The following TAFA2 variants were observed in gnomAD, a reference collection of about 807,000 sequenced individuals.
TAFA2 encodes the protein TAFA chemokine like family member 2.
Under a neutral mutation model 18.8 loss-of-function variants are expected in TAFA2, and 7 were observed. The ratio of observed to expected loss-of-function variants is 0.37; its 90% CI spans 0.21 to 0.70. The LOEUF (loss-of-function observed/expected upper bound fraction) is 0.70, where lower values mean the gene tolerates loss of function less well. TAFA2 is among the 30% of genes least tolerant of loss of function. The pLI is 0.53. For missense variants in TAFA2, 122 were observed against 158.1 expected, an observed-to-expected ratio of 0.77 and a Z score of 1.23; for synonymous variants, 60 against 54.2, an observed-to-expected ratio of 1.11 and a Z score of -0.47.
Position 61,816,317 on chromosome 12 carries a change from C to T in TAFA2, c.106+51003G>A, listed in dbSNP as rs535223042. ...GTGCTAGTTTGCTAAGGATAATAGA[C>T]TCCAGCTCCATCCATGTTCCTGCAA... On this transcript the variant is annotated intron_variant, in intron 2 of 4. Transcript: ENST00000416284. 5.3e-5 allele frequency among the ~76,000 whole-genome samples: 8 copies of T among 151,500 alleles called. No individual in the cohort carries two copies. In the East Asian group the frequency reaches 1.5e-3, roughly 29 times the overall value.
At chr12:61,959,782 T>C (rs1170203422) in intron 1 of TAFA2, among the ~76,000 whole-genome samples, 1 of 152,152 alleles carries the variant, frequency 6.6e-6, no homozygotes, top group Non-Finnish European at 1.5e-5. Context: ...CAGACTGAAC[T>C]AGACATATCT....
chr12:62,134,835 T>G (rs143094969), intron 1 of TAFA2, among the ~76,000 whole-genome samples: 10 of 152,036 alleles, frequency 6.6e-5, no homozygotes, highest in Non-Finnish European at 1.3e-4. Context: ...TATATAGGCC[T>G]TATTTTAATT....
At chr12:61,877,568 G>T (rs1335275367) in intron 1 of TAFA2, among the ~76,000 whole-genome samples, 1 of 152,150 alleles carries the variant, frequency 6.6e-6, no homozygotes, top group East Asian at 1.9e-4. Context: ...CCTACATTAT[G>T]GGGATATGAA....
chr12:61,955,721 G>T (rs994656558), intron 1 of TAFA2, among the ~76,000 whole-genome samples: 1 of 138,078 alleles, frequency 7.2e-6, no homozygotes, highest in South Asian at 2.3e-4. Flanking sequence ...ACAAGGAGGG[G>T]TATGTTTTTT....
At chr12:61,794,609 T>A (rs1871116097) in intron 2 of TAFA2, among the ~76,000 whole-genome samples, 1 of 151,986 alleles carries the variant, frequency 6.6e-6, no homozygotes, top group Admixed American at 6.6e-5. Context: ...TATCTTTAGG[T>A]CCATTGTAAT....
intron 1 of TAFA2, among the ~76,000 whole-genome samples, chr12:62,151,529 T>C (rs2062328282): frequency 6.6e-6 from 1 of 152,232 alleles, no homozygotes; most frequent in South Asian, 2.1e-4. Context: ...GTTTGTGTAG[T>C]TATTTAGTGT....
chr12:62,217,958 TTATG>T (rs145751037), intron 1 of TAFA2, among the ~76,000 whole-genome samples: 10,452 of 146,050 alleles, frequency 0.072, 916 homozygotes, highest in African/African-American at 0.2. Context: ...TTATCTATTT[TTATG>T]TATGTATTTA....
At chr12:62,228,279 G>C (rs1444607821) in intron 1 of TAFA2, among the ~76,000 whole-genome samples, 1 of 152,070 alleles carries the variant, frequency 6.6e-6, no homozygotes, top group Non-Finnish European at 1.5e-5. Context: ...GTCAGAACAT[G>C]CAGTATTTGG....
chr12:62,222,464 T>C (rs1361419924), intron 1 of TAFA2, among the ~76,000 whole-genome samples: 3 of 152,112 alleles, frequency 2.0e-5, no homozygotes, highest in Admixed American at 6.6e-5. Context: ...CCCACACATT[T>C]TACCATGAAA....
At chr12:61,961,176 T>C (rs1878871710) in intron 1 of TAFA2, among the ~76,000 whole-genome samples, 1 of 151,790 alleles carries the variant, frequency 6.6e-6, no homozygotes, top group African/African-American at 2.4e-5. Flanking sequence ...CACACACTTG[T>C]AAACCATCAG....
At chr12:61,798,878 T>G (rs1402058527) in intron 2 of TAFA2, among the ~76,000 whole-genome samples, 1 of 152,256 alleles carries the variant, frequency 6.6e-6, no homozygotes, top group African/African-American at 2.4e-5. Context: ...TCTAAGATAA[T>G]TGATTACATA....
chr12:61,725,860 C>T (rs1870139046), intron 4 of TAFA2, among the ~76,000 whole-genome samples: 1 of 152,028 alleles, frequency 6.6e-6, no homozygotes, highest in African/African-American at 2.4e-5. Flanking sequence ...TCAGTGAAAG[C>T]TAAGCTATGC....
At chr12:62,161,141 T>A (rs755900892) in intron 1 of TAFA2, among the ~76,000 whole-genome samples, 2 of 152,210 alleles carry the variant, frequency 1.3e-5, no homozygotes, top group Non-Finnish European at 2.9e-5. Context: ...TTTGCAAACA[T>A]CTATTTCTTG....
intron 1 of TAFA2, among the ~76,000 whole-genome samples, chr12:62,063,553 G>A (rs1447921203): frequency 2.0e-5 from 3 of 152,110 alleles, no homozygotes; most frequent in African/African-American, 7.2e-5. Flanking sequence ...AGGCACCTTT[G>A]ATAGAAAGGC....
At chr12:62,103,096 T>C (rs906586661) in intron 1 of TAFA2, among the ~76,000 whole-genome samples, 4 of 152,200 alleles carry the variant, frequency 2.6e-5, no homozygotes, top group Admixed American at 6.5e-5. Context: ...GAGTTCACAC[T>C]CAGAAAAGTT....
At chr12:61,795,577 T>C (rs1318969922) in intron 2 of TAFA2, among the ~76,000 whole-genome samples, 1 of 150,976 alleles carries the variant, frequency 6.6e-6, no homozygotes, top group African/African-American at 2.4e-5. Context: ...CCAGGGCCTG[T>C]TGGGTGGGGG....
At chr12:61,893,597 G>T (rs1035081570) in intron 1 of TAFA2, among the ~76,000 whole-genome samples, 1 of 152,164 alleles carries the variant, frequency 6.6e-6, no homozygotes. Flanking sequence ...GCTTTGAATA[G>T]CAGTGGAGAC....
At chr12:62,094,332 G>C (rs1224690387) in intron 1 of TAFA2, among the ~76,000 whole-genome samples, 3 of 151,958 alleles carry the variant, frequency 2.0e-5, no homozygotes, top group Non-Finnish European at 2.9e-5. Flanking sequence ...AGACTCAGGT[G>C]GGGAGGTTGG....
intron 2 of TAFA2, among the ~76,000 whole-genome samples, chr12:61,785,319 TTG>T (rs57166010): frequency 0.12 from 16,159 of 139,998 alleles, 1,103 homozygotes; most frequent in East Asian, 0.27. Flanking sequence ...AATAGTATTC[TTG>T]TGTGTGTGTG....
Sources: gnomAD v4.1 joint callset for allele counts (sites outside exome capture counted in the v4.1 genomes callset) on GRCh38, gnomAD v4.1.1 for gene constraint, MANE v1.5 for transcripts, NCBI Gene and HGNC (gene_info 2026-07-23, HGNC 2026-07-21) for gene names.